The following OLFM4 variants were observed in gnomAD, a reference collection of about 807,000 sequenced individuals.
OLFM4 encodes the protein olfactomedin-4.
A neutral mutation model predicts 25.5 loss-of-function variants in OLFM4; 22 were observed. The ratio of observed to expected loss-of-function variants is 0.86; its 90% confidence interval spans 0.62 to 1.23. OLFM4 has a LOEUF of 1.23. OLFM4 is among the 50% of genes most tolerant of loss of function. The probability of loss-of-function intolerance (pLI) is 0.00; values close to 1 mark genes in which losing one functional copy is unlikely to be tolerated. For synonymous variants in OLFM4, 255 were observed against 237.7 expected (o/e 1.07, Z -0.67); for missense variants, 594 against 619.4 (o/e 0.96, Z 0.44).
chr13:53,042,268 T>C, intron 3 of OLFM4, 146 bp downstream of exon 3: 1 of 714,920 alleles, frequency 1.4e-6, no homozygotes, highest in South Asian at 1.9e-5. Context: ...CACTATGTTC[T>C]GTTTTGGATA....
chr13:53,039,961 C>A (rs778243880), intron 2 of OLFM4, among the ~76,000 whole-genome samples: 4 of 152,162 alleles, frequency 2.6e-5, no homozygotes, highest in Non-Finnish European at 4.4e-5. Context: ...GCTGAAATGA[C>A]AGAAGTTAGG....
intron 4 of OLFM4, among the ~76,000 whole-genome samples, chr13:53,046,425 T>C (rs1460342090): frequency 6.6e-6 from 1 of 152,218 alleles, no homozygotes; most frequent in Non-Finnish European, 1.5e-5. Context: ...CAACCAAGGC[T>C]AAACTTCTAT....
At chr13:53,035,731 T>C (rs949385172) in intron 2 of OLFM4, among the ~76,000 whole-genome samples, 2 of 152,182 alleles carry the variant, frequency 1.3e-5, no homozygotes, top group Non-Finnish European at 2.9e-5. Flanking sequence ...GACTAATAGG[T>C]TTCTCAGCCT....
chr13:53,033,821 G>A (rs914188988), intron 1 of OLFM4, among the ~76,000 whole-genome samples: 6 of 152,138 alleles, frequency 3.9e-5, no homozygotes, highest in African/African-American at 1.4e-4. Context: ...AGCACTTTGG[G>A]AGGCCGAGGT....
chr13:53,043,089 A>G lies in OLFM4; in HGVS notation c.571-16A>G. ...GCACCATAATATAAAGTCACTCTGAATTTTTATTTCCTTAGATAAGAAATA... is the reference window on the plus strand; with the variant it reads ...GCACCATAATATAAAGTCACTCTGAGTTTTTATTTCCTTAGATAAGAAATA... On this transcript the variant is annotated splice_polypyrimidine_tract_variant and intron_variant, in intron 3 of 4. Coordinates refer to ENST00000219022, the MANE Select transcript of OLFM4 (RefSeq NM_006418.5). 2 of 1,569,882 alleles carry G rather than the reference A, an allele frequency of 1.3e-6. No individual in the cohort carries two copies. The highest frequency in any genetic ancestry group is 2.3e-5 in the East Asian group (1 of 44,316).
At chr13:53,037,890 G>T (rs1211764585) in intron 2 of OLFM4, among the ~76,000 whole-genome samples, 1 of 152,200 alleles carries the variant, frequency 6.6e-6, no homozygotes, top group Non-Finnish European at 1.5e-5. Context: ...TCTTTAGCTT[G>T]CTAGCACTAC....
chr13:53,034,056 CAAAAAAAAAAAAAAA>C (rs397851637), intron 1 of OLFM4, among the ~76,000 whole-genome samples: 1 of 41,068 alleles, frequency 2.4e-5, no homozygotes, highest in African/African-American at 7.2e-5. Flanking sequence ...GACTCCGTCT[CAAAAAAAAAAAAAAA>C]AAAAAAAAAA....
intron 2 of OLFM4, 90 bp downstream of exon 2, chr13:53,034,590 A>G (rs1954648163): frequency 1.8e-6 from 2 of 1,095,014 alleles, no homozygotes; most frequent in Non-Finnish European, 1.3e-6. Flanking sequence ...ATCATTCTTC[A>G]CTATCAAAGA....
intron 1 of OLFM4, among the ~76,000 whole-genome samples, chr13:53,029,379 T>C (rs1954616638): frequency 6.6e-6 from 1 of 152,108 alleles, no homozygotes; most frequent in Non-Finnish European, 1.5e-5. Flanking sequence ...TACATAGATG[T>C]ATACAAATCA....
intron 4 of OLFM4, among the ~76,000 whole-genome samples, chr13:53,045,328 T>A (rs1475012027): frequency 6.6e-6 from 1 of 152,192 alleles, no homozygotes; most frequent in Non-Finnish European, 1.5e-5. Context: ...CCCAGATTTT[T>A]ACTCACTTTC....
intron 2 of OLFM4, among the ~76,000 whole-genome samples, chr13:53,037,212 T>A (rs1954663691): frequency 2.0e-5 from 3 of 152,240 alleles, no homozygotes; most frequent in Admixed American, 2.0e-4. Flanking sequence ...CTGCATAAGA[T>A]GCTGAAAGCA....
At chr13:53,049,314 C>T (rs983859918) in intron 4 of OLFM4, among the ~76,000 whole-genome samples, 1 of 152,046 alleles carries the variant, frequency 6.6e-6, no homozygotes, top group African/African-American at 2.4e-5. Context: ...GGGTGAAATC[C>T]CACCATTATA....
intron 4 of OLFM4, among the ~76,000 whole-genome samples, chr13:53,049,150 A>T (rs1954730993): frequency 1.3e-5 from 2 of 152,154 alleles, no homozygotes; most frequent in Admixed American, 1.3e-4. Flanking sequence ...AAATACTTGC[A>T]TGTCATTCTA....
intron 1 of OLFM4, among the ~76,000 whole-genome samples, chr13:53,033,441 G>A (rs114793868): frequency 0.011 from 1,632 of 152,268 alleles, 16 homozygotes; most frequent in African/African-American, 0.025. Context: ...TTTCACTGTA[G>A]CCCACATCTT....
At chr13:53,040,774 T>C (rs959039991) in intron 2 of OLFM4, among the ~76,000 whole-genome samples, 6 of 152,054 alleles carry the variant, frequency 3.9e-5, no homozygotes, top group African/African-American at 1.4e-4. Context: ...TTAGAGTAAG[T>C]GTGTTGAAGG....
intron 2 of OLFM4, among the ~76,000 whole-genome samples, chr13:53,039,061 TCCAGAATATG>T (rs1471756824): frequency 6.6e-6 from 1 of 151,436 alleles, no homozygotes; most frequent in Non-Finnish European, 1.5e-5. Flanking sequence ...GGTAACAAAC[TCCAGAATATG>T]CCTTGCTTTT....
intron 4 of OLFM4, among the ~76,000 whole-genome samples, chr13:53,044,949 A>G (rs1258623612): frequency 6.6e-6 from 1 of 152,198 alleles, no homozygotes; most frequent in African/African-American, 2.4e-5. Flanking sequence ...ATCCCTTAGA[A>G]TGAGGACATT....
rs1954673096 is a variant in OLFM4 at position 53,038,836 on chromosome 13, AC to A, written c.358-3073del. Among the ~76,000 whole-genome samples, 4 of 152,356 alleles carry A rather than the reference AC, an allele frequency of 2.6e-5. No individual in the cohort carries two copies. The South Asian group carries it at 6.2e-4, about 24-fold the overall frequency. On this transcript the variant is annotated intron_variant, in intron 2 of 4. Transcript: ENST00000219022. ...TGTGAAAAGTTCATATGAATGATTT[AC>A]TTAAATTAGTAAAGTTCACACTCTG...
intron 4 of OLFM4, among the ~76,000 whole-genome samples, chr13:53,047,202 G>A (rs9568800): frequency 0.26 from 39,842 of 152,126 alleles, 6,232 homozygotes; most frequent in South Asian, 0.43. Context: ...AACTGGGTAT[G>A]AAGTATGGAA....
Sources: allele counts gnomAD v4.1 joint callset (sites outside exome capture counted in the v4.1 genomes callset), GRCh38; gene constraint gnomAD v4.1.1; transcripts MANE v1.5; gene names NCBI Gene and HGNC (gene_info 2026-07-23, HGNC 2026-07-21).